Variants in ANKRD30B observed in about 807,000 individuals in gnomAD.
The protein encoded by ANKRD30B is ankyrin repeat domain-containing protein 30B.
ANKRD30B carries 144 observed loss-of-function variants against 202.2 expected under a neutral mutation model. The ratio of observed to expected loss-of-function variants is 0.71; its 90% CI spans 0.62 to 0.82. The LOEUF is 0.82. Ranked by LOEUF, ANKRD30B falls within the 40% of genes least tolerant of loss-of-function variation. The probability of loss-of-function intolerance (pLI) is 0.00; values close to 1 mark genes in which losing one functional copy is unlikely to be tolerated. For missense variants in ANKRD30B, 1,487 were observed against 1,669.1 expected (o/e 0.89, Z 1.90); for synonymous variants, 508 against 561.3 (o/e 0.91, Z 1.34).
chr18:14,809,742 T>G (rs1335433276), intron 26 of ANKRD30B, among the ~76,000 whole-genome samples: 1 of 151,128 alleles, frequency 6.6e-6, no homozygotes, highest in Non-Finnish European at 1.5e-5. Context: ...TACACAATCC[T>G]GCATGCAATT....
intron 32 of ANKRD30B, among the ~76,000 whole-genome samples, chr18:14,824,452 C>T (rs1389084883): frequency 6.6e-6 from 1 of 152,134 alleles, no homozygotes; most frequent in Non-Finnish European, 1.5e-5. Context: ...CTCCTGGACT[C>T]AAGTGATTCT....
At chr18:14,902,777 C>G in the ANKRD30B span, among the ~76,000 whole-genome samples, 1 of 152,160 alleles carries the variant, frequency 6.6e-6, no homozygotes, top group African/African-American at 2.4e-5. Flanking sequence ...TCTAGGCCCC[C>G]TACTAGGTAC....
At chr18:14,919,242 A>G in the ANKRD30B span, among the ~76,000 whole-genome samples, 1 of 152,216 alleles carries the variant, frequency 6.6e-6, no homozygotes. Flanking sequence ...TGTTTCTTGA[A>G]ACACACATTG....
intron 14 of ANKRD30B, among the ~76,000 whole-genome samples, chr18:14,786,056 A>AC (rs1968064696): frequency 6.6e-6 from 1 of 151,256 alleles, no homozygotes; most frequent in East Asian, 1.9e-4. Context: ...AAAAAAAAAA[A>AC]AAAAAAAAAA....
chr18:14,773,661 CTTT>C (rs36017456), intron 9 of ANKRD30B, among the ~76,000 whole-genome samples: 4 of 141,222 alleles, frequency 2.8e-5, no homozygotes, highest in Non-Finnish European at 3.1e-5. Context: ...AACTCATGTT[CTTT>C]TTTTTTTTTT....
rs1220637031 is a variant in ANKRD30B, at chr18:14,809,849, C to G, written c.2387-137C>G. 6.9e-6 allele frequency: 6 copies of G among 866,786 alleles called. 1 individual carries two copies. The highest frequency in any genetic ancestry group is 4.0e-5 in the South Asian group (3 of 74,650). The allele number at this position is 866,786 out of a possible 1,614,324, so 53.7% of individuals were successfully genotyped here. A position where few individuals can be genotyped will look rare whatever the true frequency, so the allele number is the denominator to read the frequency against. ...TGACATGTTAACAAATACAATAACC[C>G]AAAAGACCCCAAAACCTAGTGTAAT... On this transcript the variant is annotated intron_variant, in intron 26 of 43. Transcript: ENST00000690538.
the ANKRD30B span, among the ~76,000 whole-genome samples, chr18:14,922,192 C>T: frequency 6.6e-6 from 1 of 152,066 alleles, no homozygotes; most frequent in Non-Finnish European, 1.5e-5. Flanking sequence ...TCAGTGCTGC[C>T]CTGTCACAGT....
the ANKRD30B span, among the ~76,000 whole-genome samples, chr18:14,870,872 G>A: frequency 2.6e-5 from 4 of 152,030 alleles, no homozygotes; most frequent in East Asian, 5.8e-4. Context: ...CACCTGCCTG[G>A]CTTCTGTCCC....
intron 7 of ANKRD30B, among the ~76,000 whole-genome samples, chr18:14,766,363 C>T (rs1916150092): frequency 6.7e-6 from 1 of 149,570 alleles, no homozygotes; most frequent in Non-Finnish European, 1.5e-5. Flanking sequence ...GTTCCAGCTA[C>T]TCAGGAGGCT....
the ANKRD30B span, among the ~76,000 whole-genome samples, chr18:14,890,855 C>G: frequency 2.0e-5 from 3 of 151,692 alleles, no homozygotes; most frequent in Non-Finnish European, 4.4e-5. Flanking sequence ...TACTTCATAA[C>G]TTTATACCTT....
At chr18:14,840,893 C>T (rs1274233298) in intron 37 of ANKRD30B, among the ~76,000 whole-genome samples, 1 of 152,080 alleles carries the variant, frequency 6.6e-6, no homozygotes, top group Non-Finnish European at 1.5e-5. Flanking sequence ...ATTCAACATA[C>T]TCTAAGACCT....
chr18:14,764,078 G>GC lies in ANKRD30B; in HGVS notation c.1214dup (p.Ser406LysfsTer22), dbSNP rs2143736045. The GC allele has an allele frequency of 6.6e-7, 1 of 1,525,354 alleles. No homozygotes were observed. The allele number at this position is 1,525,354 out of a possible 1,614,324, so 94.5% of individuals were successfully genotyped here. A position where few individuals can be genotyped will look rare whatever the true frequency, so the allele number is the denominator to read the frequency against. ...TCCTACAAAAGAAACATCTACAAAAGCAAGTACAAATGGTAAGATGCTTGA... is the reference window on the plus strand; with the variant it reads ...TCCTACAAAAGAAACATCTACAAAAGCCAAGTACAAATGGTAAGATGCTTGA... On this transcript the variant is annotated frameshift_variant, in exon 7 of 44. Coordinates refer to ENST00000690538, the MANE Select transcript of ANKRD30B (RefSeq NM_001367607.2). LOFTEE classifies it high-confidence loss of function.
the ANKRD30B span, among the ~76,000 whole-genome samples, chr18:14,889,648 G>C: frequency 6.7e-6 from 1 of 150,096 alleles, no homozygotes; most frequent in Non-Finnish European, 1.5e-5. Context: ...TGTGCAAATT[G>C]GGTGAACTTT....
intron 37 of ANKRD30B, 135 bp from the exon 38 acceptor site, chr18:14,842,762 A>G (rs1340292385): frequency 1.2e-6 from 1 of 816,982 alleles, no homozygotes; most frequent in African/African-American, 1.8e-5. Context: ...AAACATACCG[A>G]AAGAAAACCC....
chr18:14,749,847 A>G (rs1490268841), intron 1 of ANKRD30B, among the ~76,000 whole-genome samples: 2 of 151,978 alleles, frequency 1.3e-5, no homozygotes, highest in Non-Finnish European at 2.9e-5. Context: ...AATTAGTTTC[A>G]TAATTCTTTT....
chr18:14,874,389 G>A, the ANKRD30B span, among the ~76,000 whole-genome samples: 1 of 152,146 alleles, frequency 6.6e-6, no homozygotes, highest in African/African-American at 2.4e-5. Flanking sequence ...TCATGGCTAT[G>A]AGGCCTTAGC....
At chr18:14,927,136 A>G in the ANKRD30B span, among the ~76,000 whole-genome samples, 1 of 152,214 alleles carries the variant, frequency 6.6e-6, no homozygotes, top group Non-Finnish European at 1.5e-5. Flanking sequence ...ATTTATGTGC[A>G]TAGGCAGAGG....
chr18:14,837,031 T>C, intron 34 of ANKRD30B, 180 bp from the exon 35 acceptor site: 1 of 479,418 alleles, frequency 2.1e-6, no homozygotes, highest in Non-Finnish European at 3.8e-6. Flanking sequence ...CCAGAATCTA[T>C]CTTCCATGTA....
At chr18:14,850,914 A>T (rs1971855464) in intron 41 of ANKRD30B, among the ~76,000 whole-genome samples, 1 of 151,906 alleles carries the variant, frequency 6.6e-6, no homozygotes, top group South Asian at 2.1e-4. Flanking sequence ...CTACAACTTG[A>T]TTATATTTTT....
Sources: allele counts gnomAD v4.1 joint callset (sites outside exome capture counted in the v4.1 genomes callset), GRCh38; gene constraint gnomAD v4.1.1; transcripts MANE v1.5; gene names NCBI Gene and HGNC (gene_info 2026-07-23, HGNC 2026-07-21).